Variants in ADAMTS13 observed in about 807,000 individuals in gnomAD.
ADAMTS13 encodes A disintegrin and metalloproteinase with thrombospondin motifs 13.
Under a neutral mutation model 155.1 loss-of-function variants are expected in ADAMTS13, and 110 were observed. The ratio of observed to expected loss-of-function variants is 0.71; its 90% CI spans 0.61 to 0.83. The LOEUF (loss-of-function observed/expected upper bound fraction) is 0.83. Among genes scored for constraint, ADAMTS13 ranks in the 40% least tolerant of loss-of-function variants. The probability of loss-of-function intolerance (pLI) is 0.00; values close to 1 mark genes in which losing one functional copy is unlikely to be tolerated. For synonymous variants in ADAMTS13, 758 were observed against 756.4 expected (o/e 1.00, Z -0.03); for missense variants, 1,707 against 1,891.7 (o/e 0.90, Z 1.81).
chr9:133,437,123 A>G (rs1841297813), intron 12 of ADAMTS13, among the ~76,000 whole-genome samples, 168 bp downstream of exon 12: 1 of 152,196 alleles, frequency 6.6e-6, no homozygotes, highest in Non-Finnish European at 1.5e-5. Context: ...CCTCGCTGGT[A>G]GATCAGGCAC....
rs587720361 is a variant in ADAMTS13 at position 133,427,068 on chromosome 9, G to A, written c.686+723G>A. On this transcript the variant is annotated intron_variant, in intron 6 of 28. Transcript: ENST00000355699. ...TCCACCTGCCTCGGTCTCCCACAGT[G>A]CTGGGATTACAGGCGTGAGCCACTG... is the stretch of plus-strand genomic sequence containing the variant. 2.1e-3 allele frequency among the ~76,000 whole-genome samples: 317 copies of A among 152,346 alleles called. 2 individuals carry two copies. The highest frequency in any genetic ancestry group is 3.6e-3 in the Non-Finnish European group (246 of 68,042).
chr9:133,431,215 T>G (rs1840739192), intron 8 of ADAMTS13, among the ~76,000 whole-genome samples: 1 of 151,990 alleles, frequency 6.6e-6, no homozygotes, highest in South Asian at 2.1e-4. Context: ...TCCTCCCACC[T>G]TGGCGTCCCA....
intron 27 of ADAMTS13, chr9:133,457,040 G>A: frequency 2.2e-6 from 1 of 454,284 alleles, no homozygotes; most frequent in South Asian, 2.0e-5. Flanking sequence ...GCCTTTCAAG[G>A]GCTTTTAGGG....
In ADAMTS13 at chr9:133,424,972, C is replaced by T. The variant is rs1840185414; in HGVS notation, c.330+494C>T. On this transcript the variant is annotated intron_variant, in intron 3 of 28. Coordinates refer to ENST00000355699, the MANE Select transcript of ADAMTS13 (RefSeq NM_139027.6). This position sits in a 1 kb window ranked among gnomAD's most constrained non-coding sequence, Gnocchi z 4.3. ...CACCTGAATCCCTGCAGCCCCCCTTCACTTGAAAGCTGGGGAAGGGCGGGC... is the reference window on the plus strand; with the variant it reads ...CACCTGAATCCCTGCAGCCCCCCTTTACTTGAAAGCTGGGGAAGGGCGGGC... 6.6e-6 allele frequency among the ~76,000 whole-genome samples: 1 copy of T among 152,216 alleles called. No homozygotes were observed. The highest frequency in any genetic ancestry group is 2.4e-5 in the African/African-American group (1 of 41,462).
At chr9:133,430,383 A>G (rs587635238) in intron 8 of ADAMTS13, among the ~76,000 whole-genome samples, 1 of 152,314 alleles carries the variant, frequency 6.6e-6, no homozygotes, top group East Asian at 1.9e-4. Context: ...GAGGACACCA[A>G]TCTTAAACAG....
upstream of ADAMTS13, among the ~76,000 whole-genome samples, chr9:133,421,797 A>G (rs1409936025): frequency 6.6e-6 from 1 of 152,166 alleles, no homozygotes; most frequent in Non-Finnish European, 1.5e-5. Flanking sequence ...GTGGAAAGAC[A>G]AGGTGAATCC....
chr9:133,455,306 G>A lies in ADAMTS13; in HGVS notation c.3271G>A (p.Gly1091Ser). 1.2e-6 allele frequency: 2 copies of A among 1,603,832 alleles called. No homozygotes were observed. Among genetic ancestry groups the A allele is most frequent in the South Asian group, 1.1e-5 (1 of 91,088 alleles). Residue 1091 changes from glycine (G) to serine (S), a missense_variant, in exon 25 of 29, where the codon GGC (glycine) becomes AGC (serine). Coordinates refer to ENST00000355699, the MANE Select transcript of ADAMTS13 (RefSeq NM_139027.6). ...GCAGTGCTCTGTTTCCTGTGGGGAT[G>A]GCATCCAGCGCCGGCGTGACACCTG... Reference protein sequence around the residue: ...WMECSVSCGDGIQRRRDTCLG... With the variant: ...WMECSVSCGDSIQRRRDTCLG...
chr9:133,421,901 A>T (rs1839976812), upstream of ADAMTS13: 1 of 157,306 alleles, frequency 6.4e-6, no homozygotes, highest in South Asian at 1.9e-4. Context: ...GGGGATTGCC[A>T]GGCCGTTTGT....
chr9:133,428,033 G>A (rs923462826), intron 6 of ADAMTS13, among the ~76,000 whole-genome samples: 4 of 152,230 alleles, frequency 2.6e-5, no homozygotes, highest in African/African-American at 9.6e-5. Flanking sequence ...GTCCAAGCGG[G>A]GCCTCCAGAG....
At chr9:133,457,643 CATT>C (rs1193911439) in intron 27 of ADAMTS13, among the ~76,000 whole-genome samples, 3 of 152,240 alleles carry the variant, frequency 2.0e-5, no homozygotes, top group Non-Finnish European at 2.9e-5. Flanking sequence ...CGTGTGACAT[CATT>C]GAGTCCTAAA....
intron 23 of ADAMTS13, 72 bp from the exon 24 acceptor site, chr9:133,454,343 A>C: frequency 1.3e-6 from 2 of 1,557,452 alleles, no homozygotes; most frequent in Non-Finnish European, 1.8e-6. Flanking sequence ...ACGTGGGTGG[A>C]GAGGGGCCTG....
rs909413157 is a variant in ADAMTS13, at chr9:133,422,554, C to T, written c.105+6C>T. ...GACCCTCCCATTTCCAGCAGGTGGG[C>T]TCATTTGCAGGAGCGGGGGTATTCT... On this transcript the variant is annotated splice_donor_region_variant and intron_variant, in intron 1 of 28. Transcript: ENST00000355699. 1.9e-6 allele frequency: 3 copies of T among 1,613,854 alleles called. No individual in the cohort carries two copies. The African/African-American group carries it at 4.0e-5, about 22-fold the overall frequency.
chr9:133,417,853 C>G, upstream of ADAMTS13: 2 of 1,590,646 alleles, frequency 1.3e-6, no homozygotes, highest in Non-Finnish European at 1.7e-6. Context: ...ATCCTGCTGC[C>G]GTCCAGCGCC....
chr9:133,452,039 G>A (rs1355582024), intron 23 of ADAMTS13, among the ~76,000 whole-genome samples: 1 of 149,950 alleles, frequency 6.7e-6, no homozygotes, highest in Non-Finnish European at 1.5e-5. Flanking sequence ...GACAAGCCCT[G>A]ATGCCTCCAG....
intron 21 of ADAMTS13, among the ~76,000 whole-genome samples, chr9:133,447,199 A>G (rs1463805795): frequency 6.6e-6 from 1 of 152,056 alleles, no homozygotes; most frequent in Non-Finnish European, 1.5e-5. Context: ...TGGGCTTGAG[A>G]AGACACACCA....
intron 23 of ADAMTS13, among the ~76,000 whole-genome samples, chr9:133,453,097 T>A (rs1842534241): frequency 6.7e-6 from 1 of 149,648 alleles, no homozygotes; most frequent in Admixed American, 6.6e-5. Flanking sequence ...AGCCCAGGAG[T>A]TCTAGACCAG....
Position 133,428,638 on chromosome 9 carries a change from G to C in ADAMTS13, c.691G>C (p.Gly231Arg), listed in dbSNP as rs1554785860. Residue 231 changes from glycine to arginine, a missense_variant, in exon 7 of 29, where the codon GGC (glycine) becomes CGC (arginine). By Grantham distance (125) the Gly-to-Arg change is moderately radical. Coordinates refer to ENST00000355699, the MANE Select transcript of ADAMTS13 (RefSeq NM_139027.6). The part of the protein sequence containing the change: ...TIAHEIGHSF[G>R]LEHDGAPGSG... ...AACTCCCCGCCCCCCGACCAGCTTC[G>C]GCCTGGAGCACGACGGCGCGCCCGG... The C allele has an allele frequency of 2.3e-6, 3 of 1,322,316 alleles. No homozygotes were observed. Among genetic ancestry groups the C allele is most frequent in the Admixed American group, 3.0e-5 (1 of 32,824 alleles). The allele number at this position is 1,322,316 out of a possible 1,614,324, so 81.9% of individuals were successfully genotyped here. A position where few individuals can be genotyped will look rare whatever the true frequency, so the allele number is the denominator to read the frequency against.
At position 133,456,755 on chromosome 9, in the gene ADAMTS13, C is replaced by T. The variant is rs1554796171; in HGVS notation, c.3724+36C>T. 3 of 1,550,784 alleles carry T rather than the reference C, an allele frequency of 1.9e-6. No homozygotes were observed. The East Asian group carries it at 7.3e-5, about 38-fold the overall frequency. ...GCCTTCTCCACCTCCCTTGGGTGCT[C>T]CAGTCCTGGCAGGGAGGCTGGGTGG... On this transcript the variant is annotated intron_variant, in intron 27 of 28. Transcript: ENST00000355699. The surrounding 1 kb of genome is among the most constrained non-coding windows in gnomAD (Gnocchi z 4.4).
chr9:133,422,070 G>T, upstream of ADAMTS13: 1 of 277,166 alleles, frequency 3.6e-6, no homozygotes, highest in Non-Finnish European at 6.8e-6. Flanking sequence ...GGAGTCAGCC[G>T]AGGTCCTGGC....
Sources: gnomAD v4.1 joint callset for allele counts (sites outside exome capture counted in the v4.1 genomes callset) on GRCh38, gnomAD v4.1.1 for gene constraint, Gnocchi (gnomAD v3.1) non-coding constraint, MANE v1.5 for transcripts, NCBI Gene and HGNC (gene_info 2026-07-23, HGNC 2026-07-21) for gene names.